Variants in RBFOX1 observed in about 807,000 individuals in gnomAD.
The protein encoded by RBFOX1 is RNA binding protein fox-1 homolog 1.
Under a neutral mutation model 57.7 loss-of-function variants are expected in RBFOX1, and 8 were observed. The ratio of observed to expected loss-of-function variants is 0.14; its 90% CI spans 0.08 to 0.25. The LOEUF (loss-of-function observed/expected upper bound fraction) is 0.25, where lower values mean the gene tolerates loss of function less well. Among genes scored for constraint, RBFOX1 ranks in the 10% least tolerant of loss-of-function variants. RBFOX1 has a pLI of 1.00. For synonymous variants in RBFOX1, 326 were observed against 222.4 expected (o/e 1.47, Z -4.15); for missense variants, 611 against 548.5 (o/e 1.11, Z -1.14).
intron 1 of RBFOX1, among the ~76,000 whole-genome samples, chr16:5,292,483 G>A (rs1405508130): frequency 1.3e-5 from 2 of 152,156 alleles, no homozygotes; most frequent in Non-Finnish European, 2.9e-5. Flanking sequence ...AGTCTGGGCT[G>A]TGATTTGTTT....
chr16:6,655,814 T>C (rs2098646607), intron 3 of RBFOX1, among the ~76,000 whole-genome samples: 1 of 152,206 alleles, frequency 6.6e-6, no homozygotes, highest in African/African-American at 2.4e-5. Flanking sequence ...GGGTTATTAT[T>C]TCAAGCAGAG....
rs565572660 is a variant in RBFOX1 at position 6,689,880 on chromosome 16, T to C, written c.-16+35230T>C. Among the ~76,000 whole-genome samples the C allele has an allele frequency of 3.3e-5, 5 of 152,330 alleles. 1 individual carries two copies. In the East Asian group the frequency reaches 5.8e-4, roughly 18 times the overall value. ...ATTTGTCTCTGAATGTGGTTTCCTT[T>C]TGTTTCATGCTTGTGAGTGTGTGCT... On this transcript the variant is annotated intron_variant, in intron 3 of 15. Coordinates refer to ENST00000550418, the MANE Select transcript of RBFOX1 (RefSeq NM_018723.4).
chr16:5,855,311 A>G lies in RBFOX1; in HGVS notation c.319-11992A>G, dbSNP rs142204969. 5.9e-5 allele frequency among the ~76,000 whole-genome samples: 9 copies of G among 152,354 alleles called. No individual in the cohort carries two copies. The East Asian group carries it at 1.5e-3, about 26-fold the overall frequency. The stretch of plus-strand genomic sequence containing the variant: ...AAATTCACTACGCAGACCAATGTCA[A>G]GAAGGTTTTCCACTTTGTTTTCTTT... On this transcript the variant is annotated intron_variant, in intron 3 of 19. Transcript: ENST00000641259.
intron 4 of RBFOX1, among the ~76,000 whole-genome samples, chr16:7,293,612 A>T (rs1011525685): frequency 2.0e-5 from 3 of 152,172 alleles, no homozygotes; most frequent in Admixed American, 6.5e-5. Flanking sequence ...TTGTGAGAAC[A>T]TGAGCTGCCT....
At chr16:6,043,928 C>G (rs2095469218) in intron 1 of RBFOX1, among the ~76,000 whole-genome samples, 1 of 152,160 alleles carries the variant, frequency 6.6e-6, no homozygotes, top group South Asian at 2.1e-4. Flanking sequence ...CTGGGACCCT[C>G]TAACTTTTCC....
intron 4 of RBFOX1, among the ~76,000 whole-genome samples, chr16:7,218,081 G>GTC (rs1603301418): frequency 3.6e-5 from 2 of 55,018 alleles, no homozygotes; most frequent in Admixed American, 2.2e-4. Flanking sequence ...GTGTGCGTCT[G>GTC]TGTGTGTGTG....
chr16:6,697,980 T>G (rs1489724468), intron 3 of RBFOX1, among the ~76,000 whole-genome samples: 1 of 152,228 alleles, frequency 6.6e-6, no homozygotes, highest in Non-Finnish European at 1.5e-5. Flanking sequence ...CTATGGTATG[T>G]ACTTATGTCT....
At chr16:6,477,200 G>T (rs2095287268) in intron 2 of RBFOX1, among the ~76,000 whole-genome samples, 1 of 152,120 alleles carries the variant, frequency 6.6e-6, no homozygotes, top group Non-Finnish European at 1.5e-5. Context: ...CATGAATCTT[G>T]AATGTTCTTA....
intron 14 of RBFOX1, among the ~76,000 whole-genome samples, chr16:7,681,878 C>G (rs887460067): frequency 2.6e-5 from 4 of 152,154 alleles, no homozygotes; most frequent in Non-Finnish European, 5.9e-5. Flanking sequence ...ATATTTCTAG[C>G]TAAACAGCAG....
In RBFOX1 at chr16:7,066,284, G is replaced by A. The variant is rs79701413; in HGVS notation, c.27+14186G>A. Among the ~76,000 whole-genome samples, 9 of 152,284 alleles carry A rather than the reference G, an allele frequency of 5.9e-5. No homozygotes were observed. In the South Asian group the frequency reaches 1.9e-3, roughly 32 times the overall value. The stretch of plus-strand genomic sequence containing the variant: ...TCACTTGTTTTGACAAACATGGTAC[G>A]TTACCTTGATGTCTATTGAGATTGC... On this transcript the variant is annotated intron_variant, in intron 4 of 15. Transcript: ENST00000550418.
intron 2 of RBFOX1, among the ~76,000 whole-genome samples, chr16:6,340,652 C>A (rs1224149683): frequency 5.3e-5 from 8 of 152,130 alleles, no homozygotes; most frequent in African/African-American, 1.9e-4. Context: ...AGGTCATTCC[C>A]ATTGCCATCT....
intron 1 of RBFOX1, among the ~76,000 whole-genome samples, chr16:6,033,037 G>A (rs977536385): frequency 6.6e-6 from 1 of 152,054 alleles, no homozygotes; most frequent in Admixed American, 6.5e-5. Context: ...GTGTAGGGTT[G>A]GGTATGGCCT....
intron 1 of RBFOX1, among the ~76,000 whole-genome samples, chr16:5,418,639 C>T (rs933418317): frequency 6.6e-6 from 1 of 152,090 alleles, no homozygotes; most frequent in African/African-American, 2.4e-5. Flanking sequence ...CCCGCCATAC[C>T]TCCCTTGTCC....
intron 4 of RBFOX1, among the ~76,000 whole-genome samples, chr16:7,500,031 A>T (rs1254702175): frequency 6.6e-6 from 1 of 152,134 alleles, no homozygotes; most frequent in Non-Finnish European, 1.5e-5. Context: ...TTCTTCCTCA[A>T]GTCAGCCAGG....
chr16:6,982,716 G>A (rs2089250872), intron 3 of RBFOX1, among the ~76,000 whole-genome samples: 1 of 152,302 alleles, frequency 6.6e-6, no homozygotes, highest in South Asian at 2.1e-4. Context: ...GAACTGGCCA[G>A]GTGCAGTGGC....
chr16:5,490,760 G>GC (rs1165560359), intron 2 of RBFOX1, among the ~76,000 whole-genome samples: 1 of 152,144 alleles, frequency 6.6e-6, no homozygotes, highest in Admixed American at 6.5e-5. Flanking sequence ...AAGCTGCCGC[G>GC]CCCCCTGCAG....
chr16:5,974,109 G>A (rs1267978087), intron 4 of RBFOX1, among the ~76,000 whole-genome samples: 1 of 152,210 alleles, frequency 6.6e-6, no homozygotes, highest in Non-Finnish European at 1.5e-5. Flanking sequence ...TCAGCCCAGT[G>A]AGAATAGAAT....
At chr16:5,578,177 C>G (rs1298073436) in intron 2 of RBFOX1, among the ~76,000 whole-genome samples, 1 of 152,152 alleles carries the variant, frequency 6.6e-6, no homozygotes, top group East Asian at 1.9e-4. Flanking sequence ...GTTTTGATCT[C>G]TTGACCTCGT....
chr16:6,045,642 C>A (rs1012511350), intron 1 of RBFOX1, among the ~76,000 whole-genome samples: 2 of 152,102 alleles, frequency 1.3e-5, no homozygotes, highest in East Asian at 3.8e-4. Flanking sequence ...CTTGGCTATT[C>A]CAGTGAATGG....
Sources: allele counts gnomAD v4.1 joint callset (sites outside exome capture counted in the v4.1 genomes callset), GRCh38; gene constraint gnomAD v4.1.1; transcripts MANE v1.5; gene names NCBI Gene and HGNC (gene_info 2026-07-23, HGNC 2026-07-21).